Variants in SYN3 observed in about 807,000 individuals in gnomAD.
The protein encoded by SYN3 is synapsin-3.
In SYN3, 35 loss-of-function variants were observed where a neutral mutation model predicts 65.8. That is an observed-to-expected ratio of 0.53 (90% CI 0.41 to 0.70). The LOEUF (loss-of-function observed/expected upper bound fraction) is 0.70, where lower values mean the gene tolerates loss of function less well. SYN3 is among the 30% of genes least tolerant of loss of function. The probability of loss-of-function intolerance (pLI) is 0.00; values close to 1 mark genes in which losing one functional copy is unlikely to be tolerated. For synonymous variants in SYN3, 270 were observed against 292.9 expected (o/e 0.92, Z 0.80); for missense variants, 680 against 749.0 (o/e 0.91, Z 1.08).
intron 7 of SYN3, among the ~76,000 whole-genome samples, chr22:32,572,903 A>C (rs2058798828): frequency 6.6e-6 from 1 of 152,204 alleles, no homozygotes; most frequent in African/African-American, 2.4e-5. Context: ...GTTTGTTTTC[A>C]GATGATAGCA....
intron 6 of SYN3, among the ~76,000 whole-genome samples, chr22:32,810,780 A>G (rs1420247899): frequency 6.6e-6 from 1 of 152,082 alleles, no homozygotes; most frequent in Non-Finnish European, 1.5e-5. Context: ...TTTCATGAAG[A>G]CTTGGTTTCG....
chr22:32,912,697 G>C (rs112801333), intron 4 of SYN3, among the ~76,000 whole-genome samples: 1 of 150,438 alleles, frequency 6.6e-6, no homozygotes, highest in Non-Finnish European at 1.5e-5. Flanking sequence ...TTCTAGACTG[G>C]GCAAAACAGC....
chr22:32,786,019 A>AAG, intron 6 of SYN3, among the ~76,000 whole-genome samples: 1 of 118,256 alleles, frequency 8.5e-6, no homozygotes, highest in African/African-American at 3.2e-5. Context: ...GAAGAAGAAG[A>AAG]AAAAAAAAAT....
intron 6 of SYN3, among the ~76,000 whole-genome samples, chr22:32,615,086 C>T (rs1180551359): frequency 6.6e-6 from 1 of 152,128 alleles, no homozygotes; most frequent in Admixed American, 6.5e-5. Flanking sequence ...GTGCGTTTAA[C>T]TCCTTTGATC....
chr22:32,746,197 CAGG>C (rs1309256890), intron 6 of SYN3, among the ~76,000 whole-genome samples: 1 of 152,190 alleles, frequency 6.6e-6, no homozygotes, highest in African/African-American at 2.4e-5. Context: ...GCACAAGGAT[CAGG>C]TCCACGGTTG....
intron 6 of SYN3, among the ~76,000 whole-genome samples, chr22:32,682,297 G>A (rs1201848273): frequency 3.3e-5 from 5 of 152,180 alleles, no homozygotes; most frequent in African/African-American, 7.2e-5. Context: ...AATATCAATC[G>A]TGTAGAGACT....
chr22:32,860,040 G>A (rs1162360389), intron 6 of SYN3: 4 of 152,558 alleles, frequency 2.6e-5, no homozygotes, highest in African/African-American at 9.6e-5. Flanking sequence ...TGATGCTTGT[G>A]TTGACCAGAT....
Position 32,510,150 on chromosome 22 carries a change from G to A in SYN3, c.*3542C>T, listed in dbSNP as rs760536843. Among the ~76,000 whole-genome samples, 1 of 152,158 alleles carries A rather than the reference G, an allele frequency of 6.6e-6. No homozygotes were observed. The highest frequency in any genetic ancestry group is 1.5e-5 in the Non-Finnish European group (1 of 68,030). ...TTTCACTCACTAAAGGAGTGGGTTC[G>A]TAGCTGCGTTGGAGACTGCAGCACA... On this transcript the variant is annotated 3_prime_UTR_variant, in exon 14 of 14. Coordinates refer to ENST00000358763, the MANE Select transcript of SYN3 (RefSeq NM_003490.4).
chr22:32,719,713 T>C (rs2061089163), intron 6 of SYN3, among the ~76,000 whole-genome samples: 2 of 152,050 alleles, frequency 1.3e-5, no homozygotes, highest in Admixed American at 6.6e-5. Context: ...CCAGGTGTGG[T>C]GGCATGTTCC....
At chr22:33,033,385 G>A (rs1164963266) in intron 1 of SYN3, among the ~76,000 whole-genome samples, 1 of 152,166 alleles carries the variant, frequency 6.6e-6, no homozygotes, top group Non-Finnish European at 1.5e-5. Flanking sequence ...TGCCTGGAAT[G>A]TTCTTTCCTT....
rs1482887196 is a variant in SYN3 at position 32,754,177 on chromosome 22, A to AGT, written c.711+110736_711+110737dup. 4.0e-5 allele frequency among the ~76,000 whole-genome samples: 6 copies of AGT among 151,722 alleles called. No homozygotes were observed. In the East Asian group the frequency reaches 1.2e-3, roughly 30 times the overall value. ...CTTCCTTTTTTTCTTTTTGACACAG[A>AGT]GTCTCACTCTGTCGCCCAGGCCAGA... is the stretch of plus-strand genomic sequence containing the variant. On this transcript the variant is annotated intron_variant, in intron 6 of 13. Transcript: ENST00000358763.
intron 6 of SYN3, among the ~76,000 whole-genome samples, chr22:32,634,498 C>T (rs142537558): frequency 6.5e-4 from 99 of 152,328 alleles, no homozygotes; most frequent in African/African-American, 2.4e-3. Flanking sequence ...AAAGGATTCT[C>T]AGTTAAGATC....
chr22:33,056,566 G>A (rs1279577640), intron 1 of SYN3, among the ~76,000 whole-genome samples: 1 of 152,198 alleles, frequency 6.6e-6, no homozygotes, highest in African/African-American at 2.4e-5. Flanking sequence ...TTTGTCTCAT[G>A]GGAGGGATTG....
intron 6 of SYN3, among the ~76,000 whole-genome samples, chr22:32,768,986 C>T (rs1032938258): frequency 2.0e-5 from 3 of 152,148 alleles, no homozygotes; most frequent in African/African-American, 4.8e-5. Context: ...ACCCTGTGCT[C>T]CTACTCCATG....
intron 3 of SYN3, among the ~76,000 whole-genome samples, chr22:32,948,188 G>T (rs1011189437): frequency 6.6e-6 from 1 of 152,058 alleles, no homozygotes; most frequent in African/African-American, 2.4e-5. Flanking sequence ...GGTTTGATGG[G>T]GTCTAGTTGG....
At chr22:32,722,766 G>A (rs1458406470) in intron 6 of SYN3, among the ~76,000 whole-genome samples, 1 of 152,212 alleles carries the variant, frequency 6.6e-6, no homozygotes, top group Non-Finnish European at 1.5e-5. Context: ...CTCTAGGCTA[G>A]GAAGGTGGCT....
chr22:32,651,536 G>A (rs2413138), intron 6 of SYN3, among the ~76,000 whole-genome samples: 15,867 of 150,570 alleles, frequency 0.11, 2,357 homozygotes, highest in African/African-American at 0.33. Flanking sequence ...CCAGCTCAGT[G>A]AGAAGTCAGG....
In SYN3 at chr22:32,802,159, G is replaced by A. The variant is rs776569221; in HGVS notation, c.711+62756C>T. Reference sequence around the variant, plus strand: ...TGGTGCCCCGCCCGAGCCCCACGCTGCAGCCAGGACTGCAGCGCTGCTTAG... The same window carrying A: ...TGGTGCCCCGCCCGAGCCCCACGCTACAGCCAGGACTGCAGCGCTGCTTAG... On this transcript the variant is annotated intron_variant, in intron 6 of 13. Transcript: ENST00000358763. 4 of 1,563,942 alleles carry A rather than the reference G, an allele frequency of 2.6e-6. No homozygotes were observed. In the Admixed American group the frequency reaches 5.5e-5, roughly 21 times the overall value.
At chr22:32,922,054 A>C (rs1030686959) in intron 4 of SYN3, among the ~76,000 whole-genome samples, 1 of 152,258 alleles carries the variant, frequency 6.6e-6, no homozygotes, top group Admixed American at 6.5e-5. Context: ...CACTTAGCAC[A>C]GCCCTGGTGC....
Sources: gnomAD v4.1 joint callset for allele counts (sites outside exome capture counted in the v4.1 genomes callset) on GRCh38, gnomAD v4.1.1 for gene constraint, MANE v1.5 for transcripts, NCBI Gene and HGNC (gene_info 2026-07-23, HGNC 2026-07-21) for gene names.